TATDN1: variants seen among roughly 807,000 people sequenced by gnomAD.
TATDN1 encodes deoxyribonuclease TATDN1.
TATDN1 carries 40 observed loss-of-function variants against 46.4 expected under a neutral mutation model. That is an observed-to-expected ratio of 0.86 (90% CI 0.67 to 1.12). TATDN1 has a LOEUF of 1.12. Among genes scored for constraint, TATDN1 ranks in the 50% most tolerant of loss-of-function variants. TATDN1 has a pLI of 0.00. For missense variants in TATDN1, 326 were observed against 348.4 expected (o/e 0.94, Z 0.51); for synonymous variants, 95 against 105.6 (o/e 0.90, Z 0.62).
chr8:124,497,070 A>G (rs1817529962), intron 9 of TATDN1, among the ~76,000 whole-genome samples: 1 of 152,214 alleles, frequency 6.6e-6, no homozygotes, highest in Non-Finnish European at 1.5e-5. Flanking sequence ...GTTTGATTAA[A>G]TTAGGACACA....
intron 1 of TATDN1, among the ~76,000 whole-genome samples, chr8:124,524,734 T>C (rs1820340184): frequency 6.6e-6 from 1 of 152,096 alleles, no homozygotes; most frequent in Admixed American, 6.5e-5. Flanking sequence ...CAATTTTGAA[T>C]ACAAGGACAA....
intron 1 of TATDN1, among the ~76,000 whole-genome samples, chr8:124,529,281 T>C (rs541935986): frequency 7.9e-5 from 12 of 152,284 alleles, no homozygotes; most frequent in African/African-American, 2.6e-4. Flanking sequence ...ATGTGACTAA[T>C]AGTGGCAAAG....
intron 6 of TATDN1, among the ~76,000 whole-genome samples, chr8:124,511,622 C>T (rs957561907): frequency 6.6e-6 from 1 of 151,728 alleles, no homozygotes; most frequent in African/African-American, 2.4e-5. Flanking sequence ...TAGATCAGGC[C>T]TTTCCTTGTT....
At chr8:124,527,126 A>C (rs1820568779) in intron 1 of TATDN1, among the ~76,000 whole-genome samples, 1 of 152,232 alleles carries the variant, frequency 6.6e-6, no homozygotes, top group Non-Finnish European at 1.5e-5. Flanking sequence ...AGTGGGGAAC[A>C]GGAGTTTTAC....
intron 9 of TATDN1, among the ~76,000 whole-genome samples, chr8:124,497,018 T>A (rs563080409): frequency 6.6e-6 from 1 of 152,350 alleles, no homozygotes; most frequent in African/African-American, 2.4e-5. Flanking sequence ...CCAAATCTTC[T>A]AGTATTCAAA....
In TATDN1 at chr8:124,508,416, T is replaced by C. The variant is rs973422203; in HGVS notation, c.516+58A>G. The C allele has an allele frequency of 2.7e-6, 4 of 1,471,264 alleles. No individual in the cohort carries two copies. The Admixed American group carries it at 7.6e-5, about 28-fold the overall frequency. The allele number at this position is 1,471,264 out of a possible 1,614,324, so 91.1% of individuals were successfully genotyped here. On this transcript the variant is annotated intron_variant, in intron 8 of 11. Coordinates refer to ENST00000276692, the MANE Select transcript of TATDN1 (RefSeq NM_032026.4). ...GGAGCATTTTGTACTTGGGAGTATT[T>C]TGGATTTTTGGATTAGAGATGTTCA...
chr8:124,501,161 G>T (rs923820036), intron 9 of TATDN1, among the ~76,000 whole-genome samples: 2 of 152,160 alleles, frequency 1.3e-5, no homozygotes, highest in African/African-American at 4.8e-5. Flanking sequence ...ATGGAGACTG[G>T]GGCAGCCCAC....
intron 1 of TATDN1, among the ~76,000 whole-genome samples, chr8:124,528,290 C>T (rs978572719): frequency 6.6e-6 from 1 of 152,142 alleles, no homozygotes; most frequent in Admixed American, 6.5e-5. Flanking sequence ...TCCCCTGCCT[C>T]GGCCTCCCAA....
intron 9 of TATDN1, among the ~76,000 whole-genome samples, chr8:124,501,353 C>T (rs1166706353): frequency 6.6e-6 from 1 of 152,134 alleles, no homozygotes; most frequent in Non-Finnish European, 1.5e-5. Context: ...AGCAAAAAGT[C>T]AGTTGGCCAT....
intron 1 of TATDN1, among the ~76,000 whole-genome samples, chr8:124,535,567 G>A (rs919104946): frequency 6.6e-6 from 1 of 152,188 alleles, no homozygotes; most frequent in Non-Finnish European, 1.5e-5. Context: ...GGTGGAGACT[G>A]TGATTGAAAA....
chr8:124,503,690 C>G (rs973898770), intron 9 of TATDN1: 7 of 276,418 alleles, frequency 2.5e-5, no homozygotes, highest in African/African-American at 1.5e-4. Context: ...CTGGTAGAAG[C>G]TCTTACATAT....
At chr8:124,515,005 G>A (rs1480833254) in intron 6 of TATDN1, among the ~76,000 whole-genome samples, 1 of 152,120 alleles carries the variant, frequency 6.6e-6, no homozygotes, top group Non-Finnish European at 1.5e-5. Context: ...GCTCAGGCTG[G>A]TCTGGAACTC....
intron 1 of TATDN1, among the ~76,000 whole-genome samples, chr8:124,534,939 T>G (rs1274033100): frequency 2.6e-5 from 4 of 151,702 alleles, no homozygotes; most frequent in Admixed American, 2.6e-4. Context: ...AAGATGCCAT[T>G]CAAAAACGGC....
At chr8:124,499,947 C>T (rs1490785527) in intron 9 of TATDN1, among the ~76,000 whole-genome samples, 11 of 151,676 alleles carry the variant, frequency 7.3e-5, no homozygotes, top group South Asian at 2.1e-4. Context: ...TGGGTTCAAA[C>T]GATTCTCCTG....
intron 11 of TATDN1, among the ~76,000 whole-genome samples, chr8:124,492,373 T>G (rs1435397882): frequency 1.3e-5 from 2 of 152,228 alleles, no homozygotes; most frequent in Non-Finnish European, 2.9e-5. Flanking sequence ...TTACATAAGA[T>G]TAAGGAAATA....
Position 124,539,012 on chromosome 8 carries a change from A to G in TATDN1, c.22+13T>C. The G allele has an allele frequency of 2.5e-6, 4 of 1,613,086 alleles. No individual in the cohort carries two copies. The highest frequency in any genetic ancestry group is 3.4e-6 in the Non-Finnish European group (4 of 1,179,546). On this transcript the variant is annotated intron_variant, in intron 1 of 11. Coordinates refer to ENST00000276692, the MANE Select transcript of TATDN1 (RefSeq NM_032026.4). ...TCAGAAAGACCCAAGGGCGTGGAAA[A>G]CGCTCCTCTTACCGATAAACTTGAA...
chr8:124,489,983 A>G (rs1182518407), intron 11 of TATDN1: 1 of 152,246 alleles, frequency 6.6e-6, no homozygotes. Context: ...TATACTAAGC[A>G]AACACTACAC....
chr8:124,499,998 C>A (rs1167286251), intron 9 of TATDN1, among the ~76,000 whole-genome samples: 1 of 151,914 alleles, frequency 6.6e-6, no homozygotes, highest in African/African-American at 2.4e-5. Flanking sequence ...GTGCCCACCA[C>A]CATGCCCAGC....
intron 8 of TATDN1, 35 bp downstream of exon 8, chr8:124,508,439 T>C: frequency 2.5e-6 from 4 of 1,589,392 alleles, no homozygotes; most frequent in Non-Finnish European, 3.4e-6. Context: ...TTAGAGATGT[T>C]CAACCTGTAT....
Sources: allele counts gnomAD v4.1 joint callset (sites outside exome capture counted in the v4.1 genomes callset), GRCh38; gene constraint gnomAD v4.1.1; transcripts MANE v1.5; gene names NCBI Gene and HGNC (gene_info 2026-07-23, HGNC 2026-07-21).